Variants in ARHGAP45 observed in about 807,000 individuals in gnomAD.
ARHGAP45 encodes the protein Rho GTPase activating protein 45.
In ARHGAP45, 56 loss-of-function variants were observed where a neutral mutation model predicts 116.1. The observed-to-expected ratio is 0.48, with a 90% CI of 0.39 to 0.60. ARHGAP45 has a LOEUF of 0.60. Among genes scored for constraint, ARHGAP45 ranks in the 20% least tolerant of loss-of-function variants. The probability of loss-of-function intolerance (pLI) is 0.00; values close to 1 mark genes in which losing one functional copy is unlikely to be tolerated. For missense variants in ARHGAP45, 1,622 were observed against 1,601.0 expected, an observed-to-expected ratio of 1.01 and a Z score of -0.22; for synonymous variants, 866 against 701.7, an observed-to-expected ratio of 1.23 and a Z score of -3.70.
At chr19:1,078,907 G>T (rs1440278013) in intron 11 of ARHGAP45, among the ~76,000 whole-genome samples, 2 of 151,408 alleles carry the variant, frequency 1.3e-5, no homozygotes, top group African/African-American at 4.8e-5. Flanking sequence ...TTGGCCGGGC[G>T]CAGTGGCTCA....
In ARHGAP45 at chr19:1,085,903, A is replaced by G; in HGVS notation, c.3308A>G (p.Asn1103Ser). 1.9e-6 allele frequency: 3 copies of G among 1,612,816 alleles called. No homozygotes were observed. Among genetic ancestry groups the G allele is most frequent in the Non-Finnish European group, 2.5e-6 (3 of 1,179,906 alleles). Residue 1103 changes from asparagine to serine, a missense_variant, in exon 23 of 23, where the codon AAC (asparagine) becomes AGC (serine). Physicochemically the swap from Asn to Ser is conservative, Grantham distance 46. Transcript: ENST00000313093. ...PAQQLSGFNT[N>S]QSNNVLQAPL... The stretch of plus-strand genomic sequence containing the variant: ...CAGCAGCTCTCAGGATTCAACACCA[A>G]CCAGTCCAACAACGTGCTGCAGGCC...
intron 2 of ARHGAP45, among the ~76,000 whole-genome samples, chr19:1,072,086 G>A (rs2043152110): frequency 6.6e-6 from 1 of 151,126 alleles, no homozygotes; most frequent in Non-Finnish European, 1.5e-5. Context: ...TTGGGATGGA[G>A]GAGTCTCACT....
chr19:1,079,911 T>G lies in ARHGAP45; in HGVS notation c.1513-17T>G. 2 of 1,601,686 alleles carry G rather than the reference T, an allele frequency of 1.2e-6. No individual in the cohort carries two copies. Among genetic ancestry groups the G allele is most frequent in the Non-Finnish European group, 1.7e-6 (2 of 1,170,954 alleles). Reference sequence around the variant, plus strand: ...CGGCCTCCTCCTGACCCCTCCGCTCTCCGGTGCCGCCCGCAGGCCACGATC... The same window carrying G: ...CGGCCTCCTCCTGACCCCTCCGCTCGCCGGTGCCGCCCGCAGGCCACGATC... On this transcript the variant is annotated splice_polypyrimidine_tract_variant and intron_variant, in intron 12 of 22. Coordinates refer to ENST00000313093, the MANE Select transcript of ARHGAP45 (RefSeq NM_012292.5).
chr19:1,082,876 G>T lies in ARHGAP45; in HGVS notation c.2554G>T (p.Glu852Ter). The change falls in exon 20 of 23, where the codon GAG becomes TAG. Residue 852 changes from glutamate to a stop codon, truncating the protein, a stop_gained. Transcript: ENST00000313093. LOFTEE classifies it high-confidence loss of function. Reference sequence around the variant, plus strand: ...GCTCATCTCCTTCCGCCTCTACCACGAGCTCGTAGGGCTGGCCAAGGACAG... The same window carrying T: ...GCTCATCTCCTTCCGCCTCTACCACTAGCTCGTAGGGCTGGCCAAGGACAG... ...EPLISFRLYH[E>*]LVGLAKDSLK... 6.4e-7 allele frequency: 1 copy of T among 1,571,486 alleles called. No individual in the cohort carries two copies.
Position 1,085,849 on chromosome 19 carries a change from A to G in ARHGAP45, c.3254A>G (p.Asp1085Gly), listed in dbSNP as rs775678724. The G allele has an allele frequency of 3.1e-6, 5 of 1,611,980 alleles. No individual in the cohort carries two copies. Among genetic ancestry groups the G allele is most frequent in the Non-Finnish European group, 4.2e-6 (5 of 1,179,426 alleles). ...EEQLEATAREDGDGDEDGPAQ... is the reference protein window; with the variant it reads ...EEQLEATAREGGDGDEDGPAQ... Reference sequence around the variant, plus strand: ...CAGCTGGAGGCCACAGCCCGGGAGGACGGGGACGGGGACGAGGACGGCCCG... The same window carrying G: ...CAGCTGGAGGCCACAGCCCGGGAGGGCGGGGACGGGGACGAGGACGGCCCG... Residue 1085 changes from aspartate to glycine, a missense_variant, in exon 23 of 23, where the codon GAC becomes GGC. Coordinates refer to ENST00000313093, the MANE Select transcript of ARHGAP45 (RefSeq NM_012292.5).
intron 10 of ARHGAP45, among the ~76,000 whole-genome samples, 172 bp downstream of exon 10, chr19:1,075,051 C>G (rs534061163): frequency 6.7e-6 from 1 of 149,014 alleles, no homozygotes; most frequent in East Asian, 2.0e-4. Context: ...CAAGCCGGGT[C>G]GGAGATGCTC....
In ARHGAP45 at chr19:1,084,315, G is replaced by A. The variant is rs35124413; in HGVS notation, c.3033G>A (p.Pro1011=). 13 of 1,610,776 alleles carry A rather than the reference G, an allele frequency of 8.1e-6. No homozygotes were observed. In the South Asian group the frequency reaches 1.4e-4, roughly 18 times the overall value. The stretch of plus-strand genomic sequence containing the variant: ...AGGCGGGCGAGGCGGTGGTCTACCC[G>A]CTGCAGGAGGCGGCGGCGGACGGGT... ...YLEAGEAVVY[P]LQEAAADGCR... Residue 1011 remains proline, a synonymous_variant, in exon 22 of 23, where the codon CCG becomes CCA. Transcript: ENST00000313093.
Position 1,069,551 on chromosome 19 carries a change from C to T in ARHGAP45, c.421+807C>T, listed in dbSNP as rs560102099. Among the ~76,000 whole-genome samples the T allele has an allele frequency of 9.2e-5, 14 of 152,232 alleles. No homozygotes were observed. The highest frequency in any genetic ancestry group is 3.1e-4 in the African/African-American group (13 of 41,522). Reference sequence around the variant, plus strand: ...TGACCCCTGGCTCACCCAGCCAGGGCAGGGCAGAGCCAGGACTGGACCTCA... The same window carrying T: ...TGACCCCTGGCTCACCCAGCCAGGGTAGGGCAGAGCCAGGACTGGACCTCA... On this transcript the variant is annotated intron_variant, in intron 2 of 22. Coordinates refer to ENST00000313093, the MANE Select transcript of ARHGAP45 (RefSeq NM_012292.5). The surrounding 1 kb of genome is among the most constrained non-coding windows in gnomAD (Gnocchi z 4.1).
In ARHGAP45 at chr19:1,067,296, G is replaced by A; in HGVS notation, c.-110G>A. On this transcript the variant is annotated 5_prime_UTR_variant, in exon 1 of 23. Transcript: ENST00000313093. ...CCGGGCCTGTCACGTGGGCCTGACAGCTGGGGAGGGGGTGGCCGGCGACAA... is the reference window on the plus strand; with the variant it reads ...CCGGGCCTGTCACGTGGGCCTGACAACTGGGGAGGGGGTGGCCGGCGACAA... 7.0e-7 allele frequency: 1 copy of A among 1,425,114 alleles called. No homozygotes were observed. Among genetic ancestry groups the A allele is most frequent in the Non-Finnish European group, 9.2e-7 (1 of 1,091,582 alleles). The allele number at this position is 1,425,114 out of a possible 1,614,324, so 88.3% of individuals were successfully genotyped here.
chr19:1,084,901 G>A (rs1208645523), intron 22 of ARHGAP45, among the ~76,000 whole-genome samples: 1 of 152,178 alleles, frequency 6.6e-6, no homozygotes, highest in Non-Finnish European at 1.5e-5. Flanking sequence ...GACCAACATG[G>A]TGAAATCCCA....
rs775790373 is a variant in ARHGAP45, at chr19:1,086,031, G to A, written c.*25G>A. The A allele has an allele frequency of 6.3e-7, 1 of 1,590,992 alleles. No individual in the cohort carries two copies. The highest frequency in any genetic ancestry group is 8.6e-7 in the Non-Finnish European group (1 of 1,163,696). On this transcript the variant is annotated 3_prime_UTR_variant, in exon 23 of 23. Coordinates refer to ENST00000313093, the MANE Select transcript of ARHGAP45 (RefSeq NM_012292.5). ...AGCTGGGGTGGGGCTGGGACCACAG[G>A]TGGCTTCTCTCTTGCCTGCTCCTGT...
At chr19:1,070,194 C>T (rs1253402326) in intron 2 of ARHGAP45, among the ~76,000 whole-genome samples, 2 of 151,858 alleles carry the variant, frequency 1.3e-5, no homozygotes. Flanking sequence ...TGGGGTTTCA[C>T]CATATTGGCC....
chr19:1,070,301 C>G (rs371955500), intron 2 of ARHGAP45, among the ~76,000 whole-genome samples: 1 of 127,520 alleles, frequency 7.8e-6, no homozygotes, highest in Admixed American at 7.8e-5. Flanking sequence ...CCGGGCTTTT[C>G]TTTTTTTCTT....
intron 1 of ARHGAP45, among the ~76,000 whole-genome samples, chr19:1,067,955 G>C (rs1425720308): frequency 2.3e-5 from 1 of 42,644 alleles, no homozygotes; most frequent in Admixed American, 2.2e-4. Context: ...CTACAAAGCT[G>C]GGGGGGGGGT....
At position 1,086,067 on chromosome 19, in the gene ARHGAP45, C is replaced by A; in HGVS notation, c.*61C>A. On this transcript the variant is annotated 3_prime_UTR_variant, in exon 23 of 23. Transcript: ENST00000313093. ...CTTGCCTGCTCCTGTCCCTCCAGCA[C>A]GTCCCCTGCACCACGGCATAGCTTA... The A allele has an allele frequency of 7.0e-7, 1 of 1,438,248 alleles. No homozygotes were observed. 89.1% of individuals were successfully genotyped at this position (1,438,248 alleles called of 1,614,324 possible).
chr19:1,082,720 C>T, intron 19 of ARHGAP45, 120 bp from the exon 20 acceptor site: 1 of 855,152 alleles, frequency 1.2e-6, no homozygotes, highest in Non-Finnish European at 1.7e-6. Flanking sequence ...GGGTGGAACC[C>T]GAGCTCGGTG....
upstream of ARHGAP45, among the ~76,000 whole-genome samples, chr19:1,066,929 G>A (rs12981369): frequency 2.6e-5 from 4 of 152,042 alleles, no homozygotes; most frequent in Non-Finnish European, 5.9e-5. Context: ...GCTTGGTGGC[G>A]TCTGAGCGCG....
At chr19:1,075,694 G>A (rs1028936889) in intron 10 of ARHGAP45, among the ~76,000 whole-genome samples, 3 of 152,160 alleles carry the variant, frequency 2.0e-5, no homozygotes, top group African/African-American at 7.2e-5. Context: ...CCTCACTGCA[G>A]ACTTGCCTTC....
chr19:1,070,081 C>CCT (rs2043111555), intron 2 of ARHGAP45, among the ~76,000 whole-genome samples: 1 of 151,720 alleles, frequency 6.6e-6, no homozygotes, highest in East Asian at 1.9e-4. Flanking sequence ...TTGCAACCTT[C>CCT]CTCTCTCGGG....
Sources: gnomAD v4.1 joint callset for allele counts (sites outside exome capture counted in the v4.1 genomes callset) on GRCh38, gnomAD v4.1.1 for gene constraint, Gnocchi (gnomAD v3.1) non-coding constraint, MANE v1.5 for transcripts, NCBI Gene and HGNC (gene_info 2026-07-23, HGNC 2026-07-21) for gene names.